WDR37: variants seen among roughly 807,000 people sequenced by gnomAD.
WDR37 encodes the protein WD repeat-containing protein 37.
A neutral mutation model predicts 62.9 loss-of-function variants in WDR37; 19 were observed. The ratio of observed to expected loss-of-function variants is 0.30; its 90% CI spans 0.21 to 0.44. WDR37 has a LOEUF of 0.44. WDR37 is among the 20% of genes least tolerant of loss of function. The probability of loss-of-function intolerance (pLI) is 1.00; values close to 1 mark genes in which losing one functional copy is unlikely to be tolerated. For synonymous variants in WDR37, 250 were observed against 260.9 expected (o/e 0.96, Z 0.40); for missense variants, 474 against 657.6 (o/e 0.72, Z 3.05).
intron 1 of WDR37, among the ~76,000 whole-genome samples, chr10:1,071,762 G>A (rs1253039973): frequency 6.6e-6 from 1 of 152,208 alleles, no homozygotes; most frequent in Non-Finnish European, 1.5e-5. Flanking sequence ...GACAGCATGA[G>A]TCTAGAATGT....
intron 11 of WDR37, among the ~76,000 whole-genome samples, chr10:1,109,748 ACATT>A (rs1835150756): frequency 6.6e-6 from 1 of 152,232 alleles, no homozygotes; most frequent in African/African-American, 2.4e-5. Context: ...AATTTGTGGT[ACATT>A]TTTGCAGCTA....
intron 9 of WDR37, 65 bp downstream of exon 9, chr10:1,096,311 T>A (rs1313961086): frequency 6.5e-7 from 1 of 1,537,806 alleles, no homozygotes; most frequent in African/African-American, 1.4e-5. Flanking sequence ...AGAATCCATT[T>A]ATGATATCTG....
intron 11 of WDR37, among the ~76,000 whole-genome samples, chr10:1,108,832 G>C (rs955126155): frequency 6.7e-6 from 1 of 150,200 alleles, no homozygotes; most frequent in Non-Finnish European, 1.5e-5. Flanking sequence ...AGCTCTCACT[G>C]CATTGACTCT....
chr10:1,115,257 T>G (rs1187146927), intron 11 of WDR37, among the ~76,000 whole-genome samples: 1 of 152,262 alleles, frequency 6.6e-6, no homozygotes, highest in Non-Finnish European at 1.5e-5. Context: ...TCCTTTTTAA[T>G]TCTTTGCAAA....
At chr10:1,073,348 T>C (rs1833779684) in intron 2 of WDR37, among the ~76,000 whole-genome samples, 2 of 152,224 alleles carry the variant, frequency 1.3e-5, no homozygotes, top group Admixed American at 6.5e-5. Context: ...GTTAGGACCA[T>C]GTGGGTAACT....
intron 11 of WDR37, among the ~76,000 whole-genome samples, chr10:1,106,847 T>C (rs1221411997): frequency 6.6e-6 from 1 of 152,146 alleles, no homozygotes; most frequent in Non-Finnish European, 1.5e-5. Flanking sequence ...AAGCTTGAGA[T>C]TGGAAAGCTA....
At chr10:1,096,350 A>G (rs995998809) in intron 9 of WDR37, 104 bp downstream of exon 9, 46 of 1,329,092 alleles carry the variant, frequency 3.5e-5, no homozygotes, top group Non-Finnish European at 7.5e-6. Flanking sequence ...TGTCCCCCCA[A>G]GTTCAGTGTT....
chr10:1,108,738 T>TCCCCCCCCCCCCCCC (rs1491455688), intron 11 of WDR37, among the ~76,000 whole-genome samples: 2 of 59,788 alleles, frequency 3.3e-5, no homozygotes, highest in African/African-American at 1.1e-4. Flanking sequence ...GCTTCTGTGA[T>TCCCCCCCCCCCCCCC]GCCCCCCCCC....
chr10:1,120,385 G>A (rs78915270), intron 11 of WDR37, among the ~76,000 whole-genome samples: 2,506 of 152,350 alleles, frequency 0.016, 29 homozygotes, highest in South Asian at 0.055. Flanking sequence ...AGGGGCACCC[G>A]GGGGTCCTGG....
chr10:1,065,179 T>C (rs1833497831), intron 1 of WDR37, among the ~76,000 whole-genome samples: 1 of 152,204 alleles, frequency 6.6e-6, no homozygotes, highest in Non-Finnish European at 1.5e-5. Context: ...TTCTAAATTG[T>C]GTTTGGAATT....
At chr10:1,093,147 CT>C (rs1351791946) in intron 7 of WDR37, among the ~76,000 whole-genome samples, 1 of 151,854 alleles carries the variant, frequency 6.6e-6, no homozygotes, top group African/African-American at 2.4e-5. Flanking sequence ...ATTATGTTTT[CT>C]TTTTTTTAAT....
intron 1 of WDR37, among the ~76,000 whole-genome samples, chr10:1,069,464 G>A (rs1833666272): frequency 6.8e-6 from 1 of 146,658 alleles, no homozygotes; most frequent in African/African-American, 2.5e-5. Flanking sequence ...ACACTAGCTA[G>A]TAATAAAAAG....
At position 1,103,479 on chromosome 10, in the gene WDR37, T is replaced by G. The variant is rs1044248632; in HGVS notation, c.727-123T>G. On this transcript the variant is annotated intron_variant, in intron 9 of 13. Transcript: ENST00000263150. The surrounding 1 kb of genome is among the most constrained non-coding windows in gnomAD (Gnocchi z 6.3). ...GTGGCCAGCACCAGGCTCCTAGTGG[T>G]GACCATCATGATGGATATGTCCTCA... 1.9e-6 allele frequency: 2 copies of G among 1,036,082 alleles called. No individual in the cohort carries two copies. Among genetic ancestry groups the G allele is most frequent in the Admixed American group, 4.2e-5 (2 of 47,362 alleles). The allele number at this position is 1,036,082 out of a possible 1,614,324, so 64.2% of individuals were successfully genotyped here.
chr10:1,060,343 C>G (rs1255575702), intron 1 of WDR37, among the ~76,000 whole-genome samples: 2 of 152,168 alleles, frequency 1.3e-5, no homozygotes, highest in African/African-American at 2.4e-5. Context: ...GGCAGGTGAA[C>G]TGGACAGACT....
At chr10:1,121,000 GC>G (rs1200985987) in intron 11 of WDR37, among the ~76,000 whole-genome samples, 2 of 152,178 alleles carry the variant, frequency 1.3e-5, no homozygotes, top group Non-Finnish European at 2.9e-5. Flanking sequence ...AGCTGGAGGA[GC>G]ACGCTCGGCT....
rs905739662 is a variant in WDR37 at position 1,079,946 on chromosome 10, G to A, written c.236-65G>A. On this transcript the variant is annotated intron_variant, in intron 3 of 13. Coordinates refer to ENST00000263150, the MANE Select transcript of WDR37 (RefSeq NM_014023.4). ...GCATTTTTTCTGTGTGCGAGTTTTG[G>A]AAGTGGTGAGTACACTTAAACATAA... is the stretch of plus-strand genomic sequence containing the variant. 7.9e-6 allele frequency: 11 copies of A among 1,394,776 alleles called. No homozygotes were observed. In the African/African-American group the frequency reaches 1.6e-4, roughly 20 times the overall value. The allele number at this position is 1,394,776 out of a possible 1,614,324, so 86.4% of individuals were successfully genotyped here.
intron 1 of WDR37, among the ~76,000 whole-genome samples, chr10:1,067,925 C>A (rs751786788): frequency 2.0e-5 from 3 of 152,060 alleles, no homozygotes; most frequent in Non-Finnish European, 2.9e-5. Flanking sequence ...TTCGCAGCAA[C>A]ATGGATGGAA....
At chr10:1,074,756 T>A (rs1281008586) in intron 2 of WDR37, among the ~76,000 whole-genome samples, 1 of 152,226 alleles carries the variant, frequency 6.6e-6, no homozygotes, top group Non-Finnish European at 1.5e-5. Context: ...AGCAGCAATA[T>A]AGAAGAGAGG....
intron 13 of WDR37, among the ~76,000 whole-genome samples, chr10:1,126,355 G>T (rs372269255): frequency 6.7e-6 from 1 of 149,562 alleles, no homozygotes; most frequent in Non-Finnish European, 1.5e-5. Flanking sequence ...GCAGTGAGCT[G>T]AGATCGCGCC....
Sources: allele counts gnomAD v4.1 joint callset (sites outside exome capture counted in the v4.1 genomes callset), GRCh38; gene constraint gnomAD v4.1.1; non-coding constraint Gnocchi (gnomAD v3.1); transcripts MANE v1.5; gene names NCBI Gene and HGNC (gene_info 2026-07-23, HGNC 2026-07-21).